Variants in ARAP2 observed in about 807,000 individuals in gnomAD.
ARAP2 encodes arf-GAP with Rho-GAP domain, ANK repeat and PH domain-containing protein 2.
A neutral mutation model predicts 194.5 loss-of-function variants in ARAP2; 148 were observed. That is an observed-to-expected ratio of 0.76 (90% CI 0.67 to 0.87). The LOEUF is 0.87. Among genes scored for constraint, ARAP2 ranks in the 40% least tolerant of loss-of-function variants. The pLI is 0.00. For synonymous variants in ARAP2, 695 were observed against 683.5 expected (o/e 1.02, Z -0.26); for missense variants, 2,128 against 1,989.7 (o/e 1.07, Z -1.32).
chr4:36,216,998 G>A (rs939449908), intron 2 of ARAP2, among the ~76,000 whole-genome samples: 6 of 152,170 alleles, frequency 3.9e-5, no homozygotes, highest in African/African-American at 1.4e-4. Context: ...ATTGTGTGGT[G>A]CAGGACTGCA....
intron 8 of ARAP2, among the ~76,000 whole-genome samples, chr4:36,187,110 C>A (rs1740742464): frequency 6.6e-6 from 1 of 152,166 alleles, no homozygotes; most frequent in African/African-American, 2.4e-5. Flanking sequence ...ATTGTTTTTG[C>A]ATATCAAATA....
intron 5 of ARAP2, among the ~76,000 whole-genome samples, chr4:36,020,045 C>T (rs1329657504): frequency 2.0e-5 from 3 of 152,150 alleles, no homozygotes; most frequent in Admixed American, 6.5e-5. Flanking sequence ...GCCAGCATCA[C>T]TATTCTTGTA....
intron 11 of ARAP2, among the ~76,000 whole-genome samples, chr4:36,164,182 TC>T (rs983140054): frequency 6.6e-6 from 1 of 152,154 alleles, no homozygotes; most frequent in African/African-American, 2.4e-5. Context: ...TCTCTGTCTC[TC>T]TCATCTGTGT....
intron 25 of ARAP2, 132 bp from the exon 26 acceptor site, chr4:36,114,419 C>A: frequency 1.6e-6 from 1 of 608,622 alleles, no homozygotes; most frequent in Non-Finnish European, 2.9e-6. Context: ...AAACCAGCTT[C>A]CCTAATCCCA....
Position 36,165,110 on chromosome 4 carries a change from A to G in ARAP2, c.1977T>C (p.Phe659=), listed in dbSNP as rs979228712. Residue 659 remains phenylalanine, a synonymous_variant, in exon 11 of 33, where the codon TTT becomes TTC. Coordinates refer to ENST00000303965, the MANE Select transcript of ARAP2 (RefSeq NM_015230.4). ...GTTTCTCCTTTTCAGTCTCGGCTGTAAAGCTGAAACAATTAACGTTTCTGT... is the reference window on the plus strand; with the variant it reads ...GTTTCTCCTTTTCAGTCTCGGCTGTGAAGCTGAAACAATTAACGTTTCTGT... ...EIITPYRSFS[F]TAETEKEKQD... The G allele has an allele frequency of 4.3e-6, 7 of 1,613,874 alleles. No homozygotes were observed. The African/African-American group carries it at 9.3e-5, about 22-fold the overall frequency.
intron 8 of ARAP2, among the ~76,000 whole-genome samples, chr4:36,179,569 A>G (rs755626093): frequency 6.6e-6 from 1 of 152,206 alleles, no homozygotes; most frequent in South Asian, 2.1e-4. Flanking sequence ...AACTATATCT[A>G]TAAGGCTGGA....
rs1032569668 is a variant in ARAP2 at position 36,073,673 on chromosome 4, C to T, written c.4743+16G>A. Reference sequence around the variant, plus strand: ...ATTCTATAATTGAATATAAAACAAACAAAATCCTAACCTACCTCAATATTT... The same window carrying T: ...ATTCTATAATTGAATATAAAACAAATAAAATCCTAACCTACCTCAATATTT... On this transcript the variant is annotated intron_variant, in intron 32 of 32. Transcript: ENST00000303965. 6.2e-6 allele frequency: 10 copies of T among 1,607,048 alleles called. No homozygotes were observed. The highest frequency in any genetic ancestry group is 8.5e-6 in the Non-Finnish European group (10 of 1,176,016).
intron 3 of ARAP2, among the ~76,000 whole-genome samples, chr4:36,050,398 G>A (rs1014508971): frequency 1.2e-4 from 19 of 152,132 alleles, no homozygotes; most frequent in African/African-American, 3.9e-4. Context: ...GAATTCTCTC[G>A]CAAAATAAGG....
intron 28 of ARAP2, among the ~76,000 whole-genome samples, chr4:36,090,041 T>TA (rs1214553042): frequency 6.6e-6 from 1 of 151,908 alleles, no homozygotes; most frequent in East Asian, 1.9e-4. Context: ...AGAGAGAATA[T>TA]TTGATAAACA....
chr4:36,116,320 T>C (rs1011901692), intron 25 of ARAP2, among the ~76,000 whole-genome samples: 5 of 151,902 alleles, frequency 3.3e-5, no homozygotes, highest in Non-Finnish European at 7.4e-5. Context: ...AAAAGATAAG[T>C]AGCTAAAGCC....
chr4:36,072,690 C>CAA (rs5857471), intron 32 of ARAP2, among the ~76,000 whole-genome samples: 4 of 141,222 alleles, frequency 2.8e-5, no homozygotes, highest in African/African-American at 5.2e-5. Context: ...CCAAAAAAAA[C>CAA]AAAAAAAAAA....
chr4:36,229,450 C>A lies in ARAP2; in HGVS notation c.37G>T (p.Asp13Tyr). 1 of 1,612,478 alleles carries A rather than the reference C, an allele frequency of 6.2e-7. No homozygotes were observed. Among genetic ancestry groups the A allele is most frequent in the South Asian group, 1.1e-5 (1 of 90,950 alleles). Residue 13 changes from aspartate to tyrosine, a missense_variant, in exon 2 of 33, where the codon GAT (aspartate) becomes TAT (tyrosine). By Grantham distance (160) the Asp-to-Tyr change is radical. Transcript: ENST00000303965. The part of the protein sequence containing the change: ...SVSEVNVDIK[D>Y]FLMSINLEQY... ...TCCAAATTAATGCTCATTAGGAAAT[C>A]TTTTATATCCACATTTACTTCACTG... is the stretch of plus-strand genomic sequence containing the variant.
At chr4:36,071,811 T>G (rs1032833121) in intron 32 of ARAP2, among the ~76,000 whole-genome samples, 2 of 151,708 alleles carry the variant, frequency 1.3e-5, no homozygotes, top group African/African-American at 4.8e-5. Flanking sequence ...TAACTCGTCA[T>G]CTAGCATTAG....
intron 11 of ARAP2, 59 bp downstream of exon 11, chr4:36,164,855 A>G: frequency 9.2e-6 from 14 of 1,515,310 alleles, no homozygotes; most frequent in Admixed American, 1.7e-5. Context: ...GCAACAATGA[A>G]GAGCATTCAA....
intron 11 of ARAP2, among the ~76,000 whole-genome samples, chr4:36,163,883 T>C (rs1734670837): frequency 6.6e-6 from 1 of 152,176 alleles, no homozygotes; most frequent in African/African-American, 2.4e-5. Context: ...GCATTTTTTG[T>C]TGTGATTGAT....
chr4:36,244,265 C>T lies in ARAP2; in HGVS notation c.-246G>A, dbSNP rs1044076192. 1 of 151,962 alleles carries T rather than the reference C, an allele frequency of 6.6e-6. No individual in the cohort carries two copies. The highest frequency in any genetic ancestry group is 2.1e-4 in the South Asian group (1 of 4,828). The allele number at this position is 151,962 out of a possible 1,614,324, so 9.4% of individuals were successfully genotyped here. A position where few individuals can be genotyped will look rare whatever the true frequency, so the allele number is the denominator to read the frequency against. ...GGCGTCTCTCCCAGCCTTGGGCGCT[C>T]GGTCCTCGCCCCTCTGCCGGAGGCG... On this transcript the variant is annotated 5_prime_UTR_variant, in exon 1 of 33. Coordinates refer to ENST00000303965, the MANE Select transcript of ARAP2 (RefSeq NM_015230.4).
chr4:36,182,368 C>G (rs2109869375), intron 8 of ARAP2, among the ~76,000 whole-genome samples: 1 of 152,156 alleles, frequency 6.6e-6, no homozygotes, highest in South Asian at 2.1e-4. Context: ...GGCACACGCC[C>G]ATAGTCCCAG....
At position 36,079,516 on chromosome 4, in the gene ARAP2, G is replaced by A. The variant is rs138336525; in HGVS notation, c.4608+700C>T. On this transcript the variant is annotated intron_variant, in intron 31 of 32. Coordinates refer to ENST00000303965, the MANE Select transcript of ARAP2 (RefSeq NM_015230.4). The stretch of plus-strand genomic sequence containing the variant: ...CAATGCTCCATGAGAAGCATTATTG[G>A]GAATTTAGCTAGACAAGGTTGGGAA... Among the ~76,000 whole-genome samples, 41 of 152,206 alleles carry A rather than the reference G, an allele frequency of 2.7e-4. No individual in the cohort carries two copies. In the East Asian group the frequency reaches 7.3e-3, roughly 27 times the overall value.
chr4:36,150,343 C>T (rs10009017), intron 16 of ARAP2, among the ~76,000 whole-genome samples: 90,499 of 152,002 alleles, frequency 0.6, 27,633 homozygotes, highest in East Asian at 0.84. Context: ...AAGTGATATG[C>T]TATACATTTA....
Sources: allele counts gnomAD v4.1 joint callset (sites outside exome capture counted in the v4.1 genomes callset), GRCh38; gene constraint gnomAD v4.1.1; transcripts MANE v1.5; gene names NCBI Gene and HGNC (gene_info 2026-07-23, HGNC 2026-07-21).